The following KCNQ5 variants were observed in gnomAD, a reference collection of about 807,000 sequenced individuals.
The protein encoded by KCNQ5 is potassium voltage-gated channel subfamily KQT member 5.
Under a neutral mutation model 98.2 loss-of-function variants are expected in KCNQ5, and 30 were observed. The observed-to-expected ratio is 0.31, with a 90% confidence interval of 0.23 to 0.41. The LOEUF (loss-of-function observed/expected upper bound fraction) is 0.41, where lower values mean the gene tolerates loss of function less well. KCNQ5 is among the 10% of genes least tolerant of loss of function. The probability of loss-of-function intolerance (pLI) is 1.00; values close to 1 mark genes in which losing one functional copy is unlikely to be tolerated. For synonymous variants in KCNQ5, 458 were observed against 449.4 expected, an observed-to-expected ratio of 1.02 and a Z score of -0.24; for missense variants, 835 against 1,182.5, an observed-to-expected ratio of 0.71 and a Z score of 4.31.
chr6:72,878,000 GT>G (rs964006611), intron 1 of KCNQ5, among the ~76,000 whole-genome samples: 2 of 152,264 alleles, frequency 1.3e-5, no homozygotes, highest in Non-Finnish European at 2.9e-5. Flanking sequence ...GCCGGGTACA[GT>G]GGCTCATGCC....
At chr6:73,040,026 T>TA (rs67751274) in intron 2 of KCNQ5, among the ~76,000 whole-genome samples, 27,055 of 148,394 alleles carry the variant, frequency 0.18, 3,742 homozygotes, top group African/African-American at 0.38. Context: ...CTCACCTTCT[T>TA]AAAAAAAAAA....
In KCNQ5 at chr6:73,195,560, G is replaced by GCATTTT; in HGVS notation, c.*149_*150insTTTCAT. On this transcript the variant is annotated 3_prime_UTR_variant, in exon 14 of 14. Coordinates refer to ENST00000370398, the MANE Select transcript of KCNQ5 (RefSeq NM_019842.4). ...TTTATAAGCCCGTTACCTTTTAATT[G>GCATTTT]CATGAAAATGCATGTTTAGGGATGG... 1.0e-6 allele frequency: 1 copy of GCATTTT among 970,412 alleles called. No individual in the cohort carries two copies. Among genetic ancestry groups the GCATTTT allele is most frequent in the Non-Finnish European group, 1.5e-6 (1 of 666,654 alleles). The allele number at this position is 970,412 out of a possible 1,614,324, so 60.1% of individuals were successfully genotyped here. A position where few individuals can be genotyped will look rare whatever the true frequency, so the allele number is the denominator to read the frequency against.
rs3734212 is a variant in KCNQ5, at chr6:72,622,312, C to G, written c.123C>G (p.Ser41=). ...RLGSGMKDVE[S]GRGRVLLNSA... is the part of the protein sequence containing the mutation. ...GCAGCGGCATGAAGGATGTGGAGTC[C>G]GGCCGGGGCAGGGTGCTGCTGAACT... is the stretch of plus-strand genomic sequence containing the variant. Residue 41 remains serine, a synonymous_variant, in exon 1 of 14, where the codon TCC becomes TCG. Transcript: ENST00000370398. This position sits in a 1 kb window ranked among gnomAD's most constrained non-coding sequence, Gnocchi z 6.0. The G allele has an allele frequency of 0.67, 910,836 of 1,360,604 alleles. 312,299 individuals carry two copies. Among genetic ancestry groups the G allele is most frequent in the Middle Eastern group, 0.73 (2,918 of 3,978 alleles). 84.3% of individuals were successfully genotyped at this position (1,360,604 alleles called of 1,614,324 possible). A position where few individuals can be genotyped will look rare whatever the true frequency, so the allele number is the denominator to read the frequency against.
intron 1 of KCNQ5, among the ~76,000 whole-genome samples, chr6:72,815,705 C>T (rs1220843405): frequency 6.6e-6 from 1 of 152,150 alleles, no homozygotes; most frequent in Non-Finnish European, 1.5e-5. Flanking sequence ...GGATCAACAG[C>T]TTAACTATTG....
chr6:73,059,170 C>T (rs781740458), intron 3 of KCNQ5, among the ~76,000 whole-genome samples: 23 of 152,110 alleles, frequency 1.5e-4, no homozygotes, highest in South Asian at 1.0e-3. Context: ...ACCTACATGC[C>T]CATTGATGGT....
intron 1 of KCNQ5, among the ~76,000 whole-genome samples, chr6:72,826,904 T>A (rs2150119701): frequency 6.6e-6 from 1 of 152,238 alleles, no homozygotes; most frequent in Middle Eastern, 3.4e-3. Context: ...GCCTCCAGTT[T>A]CCTCTGTTCT....
chr6:72,986,819 A>C, intron 1 of KCNQ5: 1 of 1,260,078 alleles, frequency 7.9e-7, no homozygotes, highest in South Asian at 1.2e-5. Context: ...CAAGAAGGAA[A>C]CAAAGGGGGC....
At chr6:72,676,159 C>T (rs911861020) in intron 1 of KCNQ5, among the ~76,000 whole-genome samples, 5 of 152,224 alleles carry the variant, frequency 3.3e-5, no homozygotes, top group South Asian at 2.1e-4. Context: ...CATCCTATTT[C>T]GTACTTCATG....
intron 1 of KCNQ5, among the ~76,000 whole-genome samples, chr6:72,726,380 C>A (rs7738588): frequency 0.36 from 55,091 of 151,054 alleles, 13,576 homozygotes; most frequent in African/African-American, 0.67. Flanking sequence ...CCGGCTAATT[C>A]CCTGTATTTT....
intron 5 of KCNQ5, among the ~76,000 whole-genome samples, chr6:73,079,933 C>A (rs1773698278): frequency 6.6e-6 from 1 of 152,208 alleles, no homozygotes; most frequent in South Asian, 2.1e-4. Flanking sequence ...ATTTTTGCTT[C>A]TCTTGGATAA....
intron 1 of KCNQ5, among the ~76,000 whole-genome samples, chr6:72,775,261 TC>T (rs1773105930): frequency 6.6e-6 from 1 of 152,020 alleles, no homozygotes; most frequent in Non-Finnish European, 1.5e-5. Flanking sequence ...TACCTCCACC[TC>T]CCCCAAAAAA....
intron 2 of KCNQ5, among the ~76,000 whole-genome samples, chr6:73,020,862 C>T (rs1431373421): frequency 6.6e-6 from 1 of 152,126 alleles, no homozygotes; most frequent in Non-Finnish European, 1.5e-5. Context: ...ACATCCTGAT[C>T]TTTCCTACAT....
chr6:72,987,479 C>G, intron 1 of KCNQ5: 1 of 667,712 alleles, frequency 1.5e-6, no homozygotes, highest in Non-Finnish European at 2.9e-6. Context: ...TGAAGTTTCT[C>G]AAACTTACTG....
At position 73,196,310 on chromosome 6, in the gene KCNQ5, C is replaced by T. The variant is rs574846096; in HGVS notation, c.*896C>T. On this transcript the variant is annotated 3_prime_UTR_variant, in exon 14 of 14. Transcript: ENST00000370398. ...CAAGTGTGAGAAGCTATTCTCATTTCGCTGACATACAGGTAGGACTATGGG... is the reference window on the plus strand; with the variant it reads ...CAAGTGTGAGAAGCTATTCTCATTTTGCTGACATACAGGTAGGACTATGGG... 4 of 152,130 alleles carry T rather than the reference C, an allele frequency of 2.6e-5. No homozygotes were observed. The highest frequency in any genetic ancestry group is 5.9e-5 in the Non-Finnish European group (4 of 68,022). The allele number at this position is 152,130 out of a possible 1,614,324, so 9.4% of individuals were successfully genotyped here. A position where few individuals can be genotyped will look rare whatever the true frequency, so the allele number is the denominator to read the frequency against.
rs568626192 is a variant in KCNQ5, at chr6:73,196,637, C to T, written c.*1223C>T. 64 of 152,078 alleles carry T rather than the reference C, an allele frequency of 4.2e-4. No homozygotes were observed. The highest frequency in any genetic ancestry group is 8.4e-4 in the Non-Finnish European group (57 of 68,010). 9.4% of individuals were successfully genotyped at this position (152,078 alleles called of 1,614,324 possible). A position where few individuals can be genotyped will look rare whatever the true frequency, so the allele number is the denominator to read the frequency against. On this transcript the variant is annotated 3_prime_UTR_variant, in exon 14 of 14. Transcript: ENST00000370398. ...ACATTTTGCATATGAAAGTCTAAAA[C>T]GAAACTTCCTTTACTTTTTATACTG...
chr6:72,670,276 C>T (rs1182814644), intron 1 of KCNQ5, among the ~76,000 whole-genome samples: 1 of 152,152 alleles, frequency 6.6e-6, no homozygotes, highest in Non-Finnish European at 1.5e-5. Context: ...TATGTATTCA[C>T]TAAGAAGATG....
chr6:73,065,174 G>A (rs1772992751), intron 3 of KCNQ5, among the ~76,000 whole-genome samples: 1 of 152,038 alleles, frequency 6.6e-6, no homozygotes, highest in African/African-American at 2.4e-5. Context: ...TAACGGACAA[G>A]TAGTTCTGCC....
At chr6:73,129,528 T>C (rs1220978195) in intron 9 of KCNQ5, among the ~76,000 whole-genome samples, 1 of 152,260 alleles carries the variant, frequency 6.6e-6, no homozygotes, top group Admixed American at 6.5e-5. Context: ...CTAAAGTATT[T>C]ATTCTTACAT....
chr6:72,823,335 G>A (rs1322545998), intron 1 of KCNQ5, among the ~76,000 whole-genome samples: 1 of 151,880 alleles, frequency 6.6e-6, no homozygotes, highest in Non-Finnish European at 1.5e-5. Flanking sequence ...ACCAAATTGT[G>A]GTTTGCTGAC....
Sources: allele counts gnomAD v4.1 joint callset (sites outside exome capture counted in the v4.1 genomes callset), GRCh38; gene constraint gnomAD v4.1.1; non-coding constraint Gnocchi (gnomAD v3.1); transcripts MANE v1.5; gene names NCBI Gene and HGNC (gene_info 2026-07-23, HGNC 2026-07-21).